The following SERPINA11 variants were observed in gnomAD, a reference collection of about 807,000 sequenced individuals.
SERPINA11 encodes the protein serpin A11.
In SERPINA11, 28 loss-of-function variants were observed where a neutral mutation model predicts 29.4. The observed-to-expected ratio is 0.95, with a 90% CI of 0.70 to 1.30. The LOEUF is 1.30. SERPINA11 is among the 50% of genes most tolerant of loss of function. The probability of loss-of-function intolerance (pLI) is 0.00; values close to 1 mark genes in which losing one functional copy is unlikely to be tolerated. For synonymous variants in SERPINA11, 253 were observed against 206.6 expected (o/e 1.22, Z -1.92); for missense variants, 530 against 507.3 (o/e 1.04, Z -0.43).
intron 3 of SERPINA11, 137 bp downstream of exon 3, chr14:94,446,194 C>T: frequency 1.2e-6 from 1 of 856,046 alleles, no homozygotes; most frequent in South Asian, 1.7e-5. Context: ...AGAAAATTGC[C>T]AAGATCACAC....
In SERPINA11 at chr14:94,442,527, A is replaced by T; in HGVS notation, c.*79T>A. On this transcript the variant is annotated 3_prime_UTR_variant, in exon 5 of 5. Transcript: ENST00000334708. ...ACACTGATTAACTGAACCACATAGC[A>T]GCCCCAGGATGCAGGCTGGTTCTGG... is the stretch of plus-strand genomic sequence containing the variant. The T allele has an allele frequency of 9.9e-7, 1 of 1,012,400 alleles. No homozygotes were observed. The highest frequency in any genetic ancestry group is 1.5e-6 in the Non-Finnish European group (1 of 683,810). The allele number at this position is 1,012,400 out of a possible 1,614,324, so 62.7% of individuals were successfully genotyped here. A position where few individuals can be genotyped will look rare whatever the true frequency, so the allele number is the denominator to read the frequency against.
Position 94,449,480 on chromosome 14 carries a change from TC to T in SERPINA11, c.-3-704del, listed in dbSNP as rs1341560726. On this transcript the variant is annotated intron_variant, in intron 1 of 4. Transcript: ENST00000334708. ...TTCTTTCTTTCTTTCTTTCTTTCTT[TC>T]TGTCTGTCTGTCTTTCTTTCTCTTT... Among the ~76,000 whole-genome samples, 187 of 96,222 alleles carry T rather than the reference TC, an allele frequency of 1.9e-3. 13 individuals carry two copies. Among genetic ancestry groups the T allele is most frequent in the African/African-American group, 0.015 (173 of 11,414 alleles). The allele number at this position is 96,222 out of a possible 152,430, so 63.1% of individuals were successfully genotyped here.
In SERPINA11 at chr14:94,446,514, A is replaced by G. The variant is rs1001652869; in HGVS notation, c.734T>C (p.Met245Thr). The change falls in exon 3 of 5, where the codon ATG (methionine) becomes ACG (threonine). Residue 245 changes from methionine to threonine, a missense_variant. Met to Thr is a moderately conservative substitution (Grantham distance 81). Transcript: ENST00000334708. ...DERTSLQVPM[M>T]HQKEMHRFLY... is the part of the protein sequence containing the mutation. ...GAATCTGTGCATTTCCTTTTGGTGC[A>G]TCATGGGGACCTGGAGAGAAGTCCT... The G allele has an allele frequency of 6.2e-7, 1 of 1,614,226 alleles. No individual in the cohort carries two copies. Among genetic ancestry groups the G allele is most frequent in the South Asian group, 1.1e-5 (1 of 91,086 alleles).
Position 94,448,287 on chromosome 14 carries a change from G to A in SERPINA11, c.488C>T (p.Ala163Val), listed in dbSNP as rs1464413483. The A allele has an allele frequency of 4.3e-6, 7 of 1,614,236 alleles. No homozygotes were observed. In the South Asian group the frequency reaches 7.7e-5, roughly 18 times the overall value. The stretch of plus-strand genomic sequence containing the variant: ...TGTGAAGTTGGCAGAAAAAGCAAAA[G>A]CTCCATAAAGCTCCTTGATGCTGTC... ...YLDSIKELYG[A>V]FAFSANFTDS... Residue 163 changes from alanine to valine, a missense_variant, in exon 2 of 5, where the codon GCT (alanine) becomes GTT (valine). Ala to Val is a moderately conservative substitution (Grantham distance 64). Transcript: ENST00000334708.
At chr14:94,444,569 C>A (rs942271981) in intron 3 of SERPINA11, among the ~76,000 whole-genome samples, 2 of 152,072 alleles carry the variant, frequency 1.3e-5, no homozygotes, top group African/African-American at 2.4e-5. Flanking sequence ...CCCAAAGGAG[C>A]CAGGGACTAT....
chr14:94,442,907 G>A (rs780341320), intron 4 of SERPINA11, 98 bp from the exon 5 acceptor site: 4 of 1,304,236 alleles, frequency 3.1e-6, no homozygotes, highest in African/African-American at 1.5e-5. Flanking sequence ...ACCTAAGGAA[G>A]GGGAGGTAGA....
At chr14:94,450,080 G>T (rs572009437) in intron 1 of SERPINA11, among the ~76,000 whole-genome samples, 27 of 152,244 alleles carry the variant, frequency 1.8e-4, no homozygotes, top group Admixed American at 1.4e-3. Context: ...CTAGAGGAGC[G>T]ATGAGAGAGA....
chr14:94,452,648 C>G lies in SERPINA11; in HGVS notation c.-4+81G>C, dbSNP rs28528192. The stretch of plus-strand genomic sequence containing the variant: ...ACACACACACACACACACACACACA[C>G]AGAGACAGAGAGAGAGAGAGAGAAG... On this transcript the variant is annotated intron_variant, in intron 1 of 4. Coordinates refer to ENST00000334708, the MANE Select transcript of SERPINA11 (RefSeq NM_001080451.2). 1,094 of 144,138 alleles carry G rather than the reference C, an allele frequency of 7.6e-3. 9 individuals carry two copies. The highest frequency in any genetic ancestry group is 0.021 in the African/African-American group (805 of 37,770). The allele number at this position is 144,138 out of a possible 1,614,324, so 8.9% of individuals were successfully genotyped here.
intron 4 of SERPINA11, 37 bp from the exon 5 acceptor site, chr14:94,442,846 G>T: frequency 2.0e-6 from 3 of 1,531,958 alleles, no homozygotes; most frequent in South Asian, 1.2e-5. Flanking sequence ...GCATCAGTTT[G>T]GGGGCCTTCA....
intron 1 of SERPINA11, among the ~76,000 whole-genome samples, chr14:94,450,005 G>T (rs1466921378): frequency 1.3e-5 from 2 of 152,140 alleles, no homozygotes; most frequent in Non-Finnish European, 2.9e-5. Flanking sequence ...GTGAGGATCG[G>T]CCATCTGGAT....
intron 1 of SERPINA11, among the ~76,000 whole-genome samples, chr14:94,450,893 C>T (rs981876464): frequency 1.3e-5 from 2 of 152,122 alleles, no homozygotes; most frequent in African/African-American, 4.8e-5. Flanking sequence ...CGACCCTACA[C>T]CCATCTTCAG....
Position 94,443,068 on chromosome 14 carries a change from A to G in SERPINA11, c.1065+10T>C. The stretch of plus-strand genomic sequence containing the variant: ...CACCTGCCCACAAACATCCATGTTC[A>G]CCACTTTACCTTGGAGATGGTTTTG... On this transcript the variant is annotated intron_variant, in intron 4 of 4. Coordinates refer to ENST00000334708, the MANE Select transcript of SERPINA11 (RefSeq NM_001080451.2). The G allele has an allele frequency of 6.2e-7, 1 of 1,605,158 alleles. No individual in the cohort carries two copies. The highest frequency in any genetic ancestry group is 8.5e-7 in the Non-Finnish European group (1 of 1,176,448).
At chr14:94,451,920 A>G (rs1898593963) in intron 1 of SERPINA11, among the ~76,000 whole-genome samples, 1 of 152,188 alleles carries the variant, frequency 6.6e-6, no homozygotes, top group Admixed American at 6.5e-5. Context: ...TAAGAACTAT[A>G]TTCGTGAAGT....
chr14:94,449,423 TTCTTTCTTTCTTTCTTTC>T (rs1898526913), intron 1 of SERPINA11, among the ~76,000 whole-genome samples: 1 of 85,816 alleles, frequency 1.2e-5, no homozygotes, highest in South Asian at 4.4e-4. Context: ...CTTTCTTTCT[TTCTTTCTTTCTTTCTTTC>T]TTTCTTTCTT....
rs148183767 is a variant in SERPINA11, at chr14:94,446,358, C to T, written c.890G>A (p.Arg297Lys). ...VEAALQPQTL[R>K]KWGQLLLPSL... ...GGGCAGGAGCAATTGGCCCCATTTT[C>T]TCAGGGTCTGTGGCTGCAGAGCAGC... The change falls in exon 3 of 5, where the codon AGA (arginine) becomes AAA (lysine). Residue 297 changes from arginine (R) to lysine (K), a missense_variant. By Grantham distance (26) the Arg-to-Lys change is conservative. Transcript: ENST00000334708. 6.1e-5 allele frequency: 98 copies of T among 1,613,694 alleles called. No individual in the cohort carries two copies. The African/African-American group carries it at 1.1e-3, about 19-fold the overall frequency.
chr14:94,448,645 C>A lies in SERPINA11; in HGVS notation c.130G>T (p.Ala44Ser). ...QPPRHQLSEPAPAYHRITPTI... is the reference protein window; with the variant it reads ...QPPRHQLSEPSPAYHRITPTI... ...GGTGTGATTCTGTGGTAGGCGGGGG[C>A]TGGCTCTGAGAGCTGATGCCTGGGG... Residue 44 changes from alanine (A) to serine (S), a missense_variant, in exon 2 of 5, where the codon GCC (alanine) becomes TCC (serine). Transcript: ENST00000334708. 1 of 1,600,440 alleles carries A rather than the reference C, an allele frequency of 6.2e-7. No homozygotes were observed.
At chr14:94,447,379 C>A (rs773324133) in intron 2 of SERPINA11, among the ~76,000 whole-genome samples, 6 of 152,096 alleles carry the variant, frequency 3.9e-5, no homozygotes, top group Non-Finnish European at 7.4e-5. Flanking sequence ...AATCAATGAC[C>A]AAGTATTGCT....
Position 94,448,569 on chromosome 14 carries a change from G to A in SERPINA11, c.206C>T (p.Ala69Val), listed in dbSNP as rs371643093. The A allele has an allele frequency of 4.3e-6, 7 of 1,614,054 alleles. No individual in the cohort carries two copies. In the African/African-American group the frequency reaches 6.7e-5, roughly 15 times the overall value. Residue 69 changes from alanine (A) to valine (V), a missense_variant, in exon 2 of 5, where the codon GCC becomes GTC. Ala to Val is a moderately conservative substitution (Grantham distance 64). Transcript: ENST00000334708. ...LRLYKELAAD[A>V]PGNIFFSPVS... ...TGGCGAGAAGAAGATGTTTCCGGGG[G>A]CGTCTGCTGCCAGCTCTTTATACAA...
At position 94,449,473 on chromosome 14, in the gene SERPINA11, CTT is replaced by C. The variant is rs1255714512; in HGVS notation, c.-3-698_-3-697del. Among the ~76,000 whole-genome samples the C allele has an allele frequency of 4.8e-3, 548 of 114,262 alleles. 20 individuals carry two copies. Among genetic ancestry groups the C allele is most frequent in the African/African-American group, 0.014 (306 of 21,128 alleles). The allele number at this position is 114,262 out of a possible 152,430, so 75.0% of individuals were successfully genotyped here. Reference sequence around the variant, plus strand: ...TCTTTCTTTCTTTCTTTCTTTCTTTCTTTCTTTCTGTCTGTCTGTCTTTCTTT... The same window carrying C: ...TCTTTCTTTCTTTCTTTCTTTCTTTCTCTTTCTGTCTGTCTGTCTTTCTTT... On this transcript the variant is annotated intron_variant, in intron 1 of 4. Coordinates refer to ENST00000334708, the MANE Select transcript of SERPINA11 (RefSeq NM_001080451.2).
Sources: allele counts gnomAD v4.1 joint callset (sites outside exome capture counted in the v4.1 genomes callset), GRCh38; gene constraint gnomAD v4.1.1; transcripts MANE v1.5; gene names NCBI Gene and HGNC (gene_info 2026-07-23, HGNC 2026-07-21).